The following RALYL variants were observed in gnomAD, a reference collection of about 807,000 sequenced individuals.
RALYL encodes RALY RNA binding protein like.
RALYL carries 29 observed loss-of-function variants against 35.1 expected under a neutral mutation model. The observed-to-expected ratio is 0.83, with a 90% CI of 0.61 to 1.13. The LOEUF is 1.13. RALYL is among the 50% of genes most tolerant of loss of function. The probability of loss-of-function intolerance (pLI) is 0.00; values close to 1 mark genes in which losing one functional copy is unlikely to be tolerated. For missense variants in RALYL, 359 were observed against 360.4 expected (o/e 1.00, Z 0.03); for synonymous variants, 120 against 127.6 (o/e 0.94, Z 0.40).
At chr8:84,532,487 C>G (rs1274821161) in intron 2 of RALYL, among the ~76,000 whole-genome samples, 1 of 151,972 alleles carries the variant, frequency 6.6e-6, no homozygotes, top group Non-Finnish European at 1.5e-5. Context: ...CTCCAACAAA[C>G]CCCGGCCAGT....
At chr8:84,644,800 G>T (rs1280887583) in intron 2 of RALYL, among the ~76,000 whole-genome samples, 1 of 151,128 alleles carries the variant, frequency 6.6e-6, no homozygotes, top group Non-Finnish European at 1.5e-5. Context: ...TGCCCGGGCT[G>T]GAGTGCAGTG....
chr8:84,439,752 C>A lies in RALYL; in HGVS notation c.-23-89547C>A, dbSNP rs186298522. Among the ~76,000 whole-genome samples the A allele has an allele frequency of 2.7e-3, 405 of 152,038 alleles. 1 individual carries two copies. Among genetic ancestry groups the A allele is most frequent in the African/African-American group, 9.5e-3 (393 of 41,516 alleles). On this transcript the variant is annotated intron_variant, in intron 1 of 8. Transcript: ENST00000521268. ...TCAGTATGCTAGCATTTTCTTCAGC[C>A]AAATTTAATAACCTGTCAGATTCTT... is the stretch of plus-strand genomic sequence containing the variant.
intron 2 of RALYL, among the ~76,000 whole-genome samples, chr8:84,664,514 T>G (rs1831582610): frequency 6.6e-6 from 1 of 151,726 alleles, no homozygotes; most frequent in Non-Finnish European, 1.5e-5. Flanking sequence ...TCTTTTAGGT[T>G]TGTGGTTCTC....
intron 8 of RALYL, among the ~76,000 whole-genome samples, chr8:84,904,196 C>T (rs1051038519): frequency 6.6e-6 from 1 of 152,038 alleles, no homozygotes; most frequent in African/African-American, 2.4e-5. Context: ...CATTGTTACG[C>T]CTCATTGTTA....
At chr8:84,914,298 C>T (rs1411058601) in intron 8 of RALYL, among the ~76,000 whole-genome samples, 2 of 151,944 alleles carry the variant, frequency 1.3e-5, no homozygotes, top group South Asian at 4.1e-4. Flanking sequence ...CTAAAATTAT[C>T]ATTATCATTT....
chr8:84,212,259 C>A (rs1435310885), intron 1 of RALYL, among the ~76,000 whole-genome samples: 1 of 151,870 alleles, frequency 6.6e-6, no homozygotes, highest in Admixed American at 6.6e-5. Context: ...ATGGAAATTC[C>A]ATTTATTTTA....
intron 1 of RALYL, among the ~76,000 whole-genome samples, chr8:84,474,348 G>C (rs889021947): frequency 6.6e-6 from 1 of 152,084 alleles, no homozygotes; most frequent in Non-Finnish European, 1.5e-5. Flanking sequence ...GAAATCTTTC[G>C]AGTTGTTTGT....
intron 8 of RALYL, among the ~76,000 whole-genome samples, chr8:84,899,960 G>A (rs1845387195): frequency 6.6e-6 from 1 of 152,202 alleles, no homozygotes; most frequent in African/African-American, 2.4e-5. Context: ...GATAGATGCT[G>A]TGATTTCAAC....
At chr8:84,707,035 A>C (rs537191918) in intron 2 of RALYL, among the ~76,000 whole-genome samples, 12 of 152,290 alleles carry the variant, frequency 7.9e-5, no homozygotes, top group African/African-American at 2.9e-4. Flanking sequence ...AAAGTCTATC[A>C]GTCACAATTA....
chr8:84,570,634 G>A (rs535542559), intron 2 of RALYL, among the ~76,000 whole-genome samples: 51 of 151,910 alleles, frequency 3.4e-4, no homozygotes, highest in African/African-American at 1.2e-3. Context: ...GGAGTGAGGA[G>A]TGTGCCAGTT....
intron 1 of RALYL, among the ~76,000 whole-genome samples, chr8:84,286,652 A>G (rs1442091242): frequency 1.3e-5 from 2 of 152,188 alleles, no homozygotes; most frequent in Admixed American, 1.3e-4. Context: ...ATACATGGAG[A>G]CTATATATTG....
intron 1 of RALYL, among the ~76,000 whole-genome samples, chr8:84,323,260 A>G (rs185907043): frequency 6.6e-6 from 1 of 152,050 alleles, no homozygotes; most frequent in African/African-American, 2.4e-5. Context: ...AAGCTCATAA[A>G]TATATTGCAT....
intron 1 of RALYL, among the ~76,000 whole-genome samples, chr8:84,475,066 C>T (rs1441040082): frequency 3.3e-5 from 5 of 152,008 alleles, no homozygotes; most frequent in Admixed American, 2.0e-4. Context: ...CCCCAGCCCC[C>T]CACCCAGTGA....
intron 2 of RALYL, among the ~76,000 whole-genome samples, chr8:84,735,521 G>A (rs1238506197): frequency 1.3e-5 from 2 of 151,782 alleles, no homozygotes; most frequent in African/African-American, 2.4e-5. Context: ...ACTGCCAACT[G>A]AGCCTCAACT....
chr8:84,308,281 G>A (rs1842188269), intron 1 of RALYL, among the ~76,000 whole-genome samples: 2 of 152,112 alleles, frequency 1.3e-5, no homozygotes, highest in African/African-American at 4.8e-5. Context: ...AAGATCGTAT[G>A]CCTCTGTGAA....
At chr8:84,805,597 T>C (rs574442106) in intron 4 of RALYL, among the ~76,000 whole-genome samples, 4 of 152,146 alleles carry the variant, frequency 2.6e-5, no homozygotes, top group African/African-American at 9.6e-5. Flanking sequence ...GGCAGGAGAA[T>C]TGCCTGAACC....
chr8:84,833,884 A>G (rs1831424390), intron 4 of RALYL, among the ~76,000 whole-genome samples: 2 of 151,570 alleles, frequency 1.3e-5, no homozygotes, highest in Non-Finnish European at 2.9e-5. Flanking sequence ...TATGTAAAGC[A>G]TTTAGAATAG....
chr8:84,337,901 G>T (rs998703499), intron 1 of RALYL, among the ~76,000 whole-genome samples: 1 of 151,980 alleles, frequency 6.6e-6, no homozygotes, highest in Non-Finnish European at 1.5e-5. Flanking sequence ...GCAAAGAAAG[G>T]CTACCATTCA....
At chr8:84,595,639 C>A (rs1814324582) in intron 2 of RALYL, among the ~76,000 whole-genome samples, 1 of 152,004 alleles carries the variant, frequency 6.6e-6, no homozygotes, top group South Asian at 2.1e-4. Flanking sequence ...AAAAAGGAGG[C>A]CCTCTACAAA....
Sources: allele counts gnomAD v4.1 joint callset (sites outside exome capture counted in the v4.1 genomes callset), GRCh38; gene constraint gnomAD v4.1.1; transcripts MANE v1.5; gene names NCBI Gene and HGNC (gene_info 2026-07-23, HGNC 2026-07-21).